The following WASHC2A variants were observed in gnomAD, a reference collection of about 807,000 sequenced individuals.
The protein encoded by WASHC2A is WASH complex subunit FAM21A.
In WASHC2A, 82 loss-of-function variants were observed where a neutral mutation model predicts 140.3. The observed-to-expected ratio is 0.58, with a 90% confidence interval of 0.49 to 0.70. The LOEUF (loss-of-function observed/expected upper bound fraction) is 0.70. Ranked by LOEUF, WASHC2A falls within the 30% of genes least tolerant of loss-of-function variation. WASHC2A has a pLI of 0.00. For synonymous variants in WASHC2A, 340 were observed against 560.8 expected, an observed-to-expected ratio of 0.61 and a Z score of 5.56; for missense variants, 985 against 1,521.8, an observed-to-expected ratio of 0.65 and a Z score of 5.87.
At position 50,087,333 on chromosome 10, in the gene WASHC2A, T is replaced by A. The variant is rs1839475694; in HGVS notation, c.732+11T>A. ...AATGAACAAAACCGGGTAAGGCTCA[T>A]ATATTGAAATGACTTTGTTTTTACA... On this transcript the variant is annotated intron_variant, in intron 8 of 30. Transcript: ENST00000282633. 1 of 1,613,834 alleles carries A rather than the reference T, an allele frequency of 6.2e-7. No homozygotes were observed. Among genetic ancestry groups the A allele is most frequent in the Non-Finnish European group, 8.5e-7 (1 of 1,179,866 alleles).
intron 3 of WASHC2A, among the ~76,000 whole-genome samples, chr10:50,076,128 G>A (rs1412392138): frequency 6.6e-6 from 1 of 151,920 alleles, no homozygotes; most frequent in African/African-American, 2.4e-5. Context: ...GTTTCACCAT[G>A]TTGGCCAGGC....
chr10:50,128,400 A>G (rs1221283424), intron 28 of WASHC2A, among the ~76,000 whole-genome samples: 2 of 152,114 alleles, frequency 1.3e-5, no homozygotes, highest in African/African-American at 4.8e-5. Context: ...CACTCCCCGC[A>G]CCAAGTTCCC....
At chr10:50,082,268 C>T (rs1554879967) in intron 5 of WASHC2A, among the ~76,000 whole-genome samples, 1 of 150,310 alleles carries the variant, frequency 6.7e-6, no homozygotes, top group Non-Finnish European at 1.5e-5. Context: ...CCTTATGCTC[C>T]ATTGGTTGCT....
chr10:50,128,381 T>C (rs1437158825), intron 28 of WASHC2A, among the ~76,000 whole-genome samples: 11 of 152,238 alleles, frequency 7.2e-5, no homozygotes, highest in Non-Finnish European at 1.3e-4. Context: ...CTTCTGTGAC[T>C]GTGCCCTGCA....
chr10:50,101,830 A>G lies in WASHC2A; in HGVS notation c.1635+1766A>G, dbSNP rs1463100069. ...GGCTGGGCTGAGGATCACCTTATTC[A>G]TATGTCTGGTACCTGGGCACTGGGG... On this transcript the variant is annotated intron_variant, in intron 17 of 30. Transcript: ENST00000282633. Among the ~76,000 whole-genome samples the G allele has an allele frequency of 2.0e-5, 3 of 146,344 alleles. No homozygotes were observed. In the East Asian group the frequency reaches 5.8e-4, roughly 28 times the overall value.
At chr10:50,099,281 T>C (rs1840823137) in intron 16 of WASHC2A, among the ~76,000 whole-genome samples, 3 of 151,006 alleles carry the variant, frequency 2.0e-5, no homozygotes, top group Admixed American at 2.0e-4. Flanking sequence ...TTTTTTTTTT[T>C]TTTTATGAGA....
chr10:50,095,065 T>A (rs1326154250), intron 13 of WASHC2A, 83 bp from the exon 14 acceptor site: 1 of 1,603,952 alleles, frequency 6.2e-7, no homozygotes, highest in Non-Finnish European at 8.5e-7. Flanking sequence ...AGCTGTGTTT[T>A]ACATCGCACG....
intron 20 of WASHC2A, among the ~76,000 whole-genome samples, chr10:50,110,984 T>C (rs1338600949): frequency 1.2e-4 from 18 of 146,178 alleles, no homozygotes; most frequent in African/African-American, 3.8e-4. Flanking sequence ...TGTAGAGCTG[T>C]GCAGTATCAC....
intron 23 of WASHC2A, among the ~76,000 whole-genome samples, chr10:50,121,478 T>C (rs1843014712): frequency 6.7e-6 from 1 of 149,492 alleles, no homozygotes; most frequent in African/African-American, 2.6e-5. Context: ...ACTGCAACCT[T>C]TGCCTCCTGG....
chr10:50,080,215 G>A lies in WASHC2A; in HGVS notation c.355-543G>A, dbSNP rs1838773605. Among the ~76,000 whole-genome samples, 5 of 152,192 alleles carry A rather than the reference G, an allele frequency of 3.3e-5. No homozygotes were observed. In the South Asian group the frequency reaches 1.0e-3, roughly 32 times the overall value. ...TTCTTGAGTGGGGCATTGTTGTAGG[G>A]TATACACAGAATAGACCGGAGATGA... On this transcript the variant is annotated intron_variant, in intron 4 of 30. Transcript: ENST00000282633.
intron 16 of WASHC2A, among the ~76,000 whole-genome samples, chr10:50,098,359 C>T (rs1554885353): frequency 6.6e-6 from 1 of 151,870 alleles, no homozygotes; most frequent in Non-Finnish European, 1.5e-5. Flanking sequence ...CCATTTACAG[C>T]AGTGATCCCC....
chr10:50,100,192 A>G, intron 17 of WASHC2A, 128 bp downstream of exon 17: 1 of 1,489,956 alleles, frequency 6.7e-7, no homozygotes. Context: ...TTTAAAAATT[A>G]TCTCTAGAGG....
Position 50,110,222 on chromosome 10 carries a change from T to C in WASHC2A, c.1991T>C (p.Leu664Pro). ...GCCAAGGCTGTGAAAAAGACCAGTC[T>C]CTTTGAGGAAGACGAAGAAGATGAT... ...QEAKAVKKTS[L>P]FEEDEEDDLF... is the part of the protein sequence containing the mutation. The change falls in exon 20 of 31, where the codon CTC becomes CCC. Residue 664 changes from leucine (L) to proline (P), a missense_variant. By Grantham distance (98) the Leu-to-Pro change is moderately conservative (BLOSUM62 -3). Coordinates refer to ENST00000282633, the MANE Select transcript of WASHC2A (RefSeq NM_001005751.3). 7.4e-6 allele frequency: 12 copies of C among 1,611,846 alleles called. No homozygotes were observed. The South Asian group carries it at 1.3e-4, about 18-fold the overall frequency.
At position 50,125,131 on chromosome 10, in the gene WASHC2A, C is replaced by A. The variant is rs1440089027; in HGVS notation, c.2497C>A (p.His833Asn). ...EVGKGRDPDA[H>N]PKSTGVFQDE... ...TTCCCAGGGCCGCGATCCTGATGCC[C>A]ACCCCAAGAGCACAGGTGTCTTCCA... The change falls in exon 24 of 31, where the codon CAC (histidine) becomes AAC (asparagine). Residue 833 changes from histidine to asparagine, a missense_variant. By Grantham distance (68) the His-to-Asn change is moderately conservative. Transcript: ENST00000282633. 16 of 1,611,678 alleles carry A rather than the reference C, an allele frequency of 9.9e-6. No individual in the cohort carries two copies. In the East Asian group the frequency reaches 3.6e-4, roughly 36 times the overall value.
At chr10:50,092,954 G>A (rs1840078955) in intron 11 of WASHC2A, among the ~76,000 whole-genome samples, 1 of 134,346 alleles carries the variant, frequency 7.4e-6, no homozygotes, top group Non-Finnish European at 1.6e-5. Flanking sequence ...TTGGGGAATG[G>A]GTCTTGAATG....
rs782004046 is a variant in WASHC2A at position 50,069,563 on chromosome 10, A to G, written c.143A>G (p.Gln48Arg). Residue 48 changes from glutamine to arginine, a missense_variant, in exon 3 of 31, where the codon CAG (glutamine) becomes CGG (arginine). Coordinates refer to ENST00000282633, the MANE Select transcript of WASHC2A (RefSeq NM_001005751.3). The stretch of plus-strand genomic sequence containing the variant: ...TTAAAATAGCTACTACAGTTTCTAC[A>G]GGAATTCTCACAGCAAACTATCTCT... ...AADAGLLQFL[Q>R]EFSQQTISRT... 13 of 1,613,444 alleles carry G rather than the reference A, an allele frequency of 8.1e-6. No individual in the cohort carries two copies. In the East Asian group the frequency reaches 2.2e-4, roughly 28 times the overall value.
chr10:50,078,460 A>T (rs1457116681), intron 3 of WASHC2A, among the ~76,000 whole-genome samples: 1 of 151,594 alleles, frequency 6.6e-6, no homozygotes, highest in Non-Finnish European at 1.5e-5. Context: ...ATTTGTATTT[A>T]AAAATTTTCT....
chr10:50,091,129 G>T (rs1343388139), intron 9 of WASHC2A, among the ~76,000 whole-genome samples: 133 of 152,162 alleles, frequency 8.7e-4, no homozygotes, highest in African/African-American at 3.1e-3. Flanking sequence ...GAAGACCATA[G>T]TGCTCCTGTC....
chr10:50,072,594 C>T (rs1381021514), intron 3 of WASHC2A, among the ~76,000 whole-genome samples: 1 of 141,416 alleles, frequency 7.1e-6, no homozygotes, highest in Non-Finnish European at 1.5e-5. Flanking sequence ...TCACGCCATT[C>T]TCCTGACTCA....
Sources: gnomAD v4.1 joint callset for allele counts (sites outside exome capture counted in the v4.1 genomes callset) on GRCh38, gnomAD v4.1.1 for gene constraint, MANE v1.5 for transcripts, NCBI Gene and HGNC (gene_info 2026-07-23, HGNC 2026-07-21) for gene names.